The following ZNG1E variants were observed in gnomAD, a reference collection of about 807,000 sequenced individuals.
ZNG1E encodes the protein zinc-regulated GTPase metalloprotein activator 1E.
At chr9:65,661,872 G>T in the ZNG1E span, among the ~76,000 whole-genome samples, 4 of 152,264 alleles carry the variant, frequency 2.6e-5, no homozygotes, top group African/African-American at 9.6e-5. Flanking sequence ...AACTCATTGA[G>T]TTGTACACTT....
the ZNG1E span, among the ~76,000 whole-genome samples, chr9:65,687,438 TG>T: frequency 6.6e-6 from 1 of 152,134 alleles, no homozygotes; most frequent in Non-Finnish European, 1.5e-5. Flanking sequence ...ATTTGTCTTT[TG>T]TTTTTATATT....
At chr9:65,663,042 C>G in the ZNG1E span, among the ~76,000 whole-genome samples, 2 of 152,252 alleles carry the variant, frequency 1.3e-5, no homozygotes, top group African/African-American at 2.4e-5. Context: ...AGAAGTACAA[C>G]GAACAAAGGA....
chr9:65,676,883 T>C, the ZNG1E span, among the ~76,000 whole-genome samples: 1 of 146,974 alleles, frequency 6.8e-6, no homozygotes, highest in Non-Finnish European at 1.5e-5. Context: ...AGAACAAATA[T>C]ATGACTGTAT....
At chr9:65,705,124 C>T in the ZNG1E span, among the ~76,000 whole-genome samples, 3 of 150,354 alleles carry the variant, frequency 2.0e-5, no homozygotes, top group African/African-American at 4.9e-5. Context: ...TGTGTAGCAT[C>T]GTCTTAGTGG....
the ZNG1E span, among the ~76,000 whole-genome samples, chr9:65,660,835 A>C: frequency 2.7e-4 from 13 of 47,872 alleles, no homozygotes; most frequent in Non-Finnish European, 3.8e-4. Flanking sequence ...ACAGATATAT[A>C]TATATATATA....
chr9:65,693,830 T>G, the ZNG1E span, among the ~76,000 whole-genome samples: 1 of 152,014 alleles, frequency 6.6e-6, no homozygotes, highest in East Asian at 1.9e-4. Context: ...GTGCTGGGAT[T>G]ACAGGCATGA....
At chr9:65,710,024 T>C in the ZNG1E span, among the ~76,000 whole-genome samples, 1 of 147,286 alleles carries the variant, frequency 6.8e-6, no homozygotes, top group Non-Finnish European at 1.5e-5. Context: ...TGTTGTTTCC[T>C]GACTTTTTAA....
the ZNG1E span, among the ~76,000 whole-genome samples, chr9:65,687,954 T>C: frequency 2.0e-5 from 3 of 151,134 alleles, no homozygotes; most frequent in Non-Finnish European, 2.9e-5. Context: ...TTTATTACCA[T>C]GAATACTTTT....
chr9:65,698,116 C>CT, the ZNG1E span, among the ~76,000 whole-genome samples: 1 of 96,618 alleles, frequency 1.0e-5, no homozygotes, highest in African/African-American at 4.5e-5. Flanking sequence ...AGTGGTTATC[C>CT]TTTTTTTAAA....
the ZNG1E span, among the ~76,000 whole-genome samples, chr9:65,674,040 G>A: frequency 3.3e-5 from 5 of 152,080 alleles, no homozygotes; most frequent in Admixed American, 6.6e-5. Context: ...TTCCTGAAAC[G>A]AAAAAGCTTA....
chr9:65,685,264 C>T, the ZNG1E span, among the ~76,000 whole-genome samples: 1 of 152,260 alleles, frequency 6.6e-6, no homozygotes, highest in Non-Finnish European at 1.5e-5. Context: ...GTAGTAGTTA[C>T]TGAAGGTTGG....
the ZNG1E span, among the ~76,000 whole-genome samples, chr9:65,659,901 C>T: frequency 2.0e-5 from 3 of 151,356 alleles, no homozygotes; most frequent in Admixed American, 6.6e-5. Context: ...CCTAATGTAG[C>T]CTGATTACTG....
the ZNG1E span, among the ~76,000 whole-genome samples, chr9:65,667,996 C>CAAA: frequency 1.5e-5 from 2 of 131,440 alleles, no homozygotes; most frequent in Non-Finnish European, 3.4e-5. Context: ...AACTTCGTCT[C>CAAA]AAAAAAAAAA....
chr9:65,717,604 G>C, the ZNG1E span, among the ~76,000 whole-genome samples: 2 of 149,504 alleles, frequency 1.3e-5, no homozygotes, highest in African/African-American at 5.1e-5. Context: ...GGGCAGTTTT[G>C]ATAGTTACAG....
chr9:65,716,137 CTA>C, the ZNG1E span, among the ~76,000 whole-genome samples: 1 of 59,762 alleles, frequency 1.7e-5, no homozygotes, highest in East Asian at 3.4e-4. Context: ...ATTCCCATTC[CTA>C]TATATATTTC....
the ZNG1E span, among the ~76,000 whole-genome samples, chr9:65,717,939 A>G: frequency 1.4e-5 from 2 of 146,226 alleles, no homozygotes; most frequent in East Asian, 3.9e-4. Context: ...TGCCCACCTC[A>G]GCCTCCCAAA....
At chr9:65,677,034 T>TG in the ZNG1E span, 67,485 of 351,254 alleles carry the variant, frequency 0.19, 26,840 homozygotes, top group South Asian at 0.66. Flanking sequence ...TAACTGCTTT[T>TG]TTTTTTAAAA....
At chr9:65,716,355 G>C in the ZNG1E span, among the ~76,000 whole-genome samples, 1 of 150,882 alleles carries the variant, frequency 6.6e-6, no homozygotes, top group African/African-American at 2.5e-5. Context: ...ATGGGGTCTT[G>C]CTATGTTGCC....
the ZNG1E span, among the ~76,000 whole-genome samples, chr9:65,662,467 A>T: frequency 6.6e-6 from 1 of 152,206 alleles, no homozygotes; most frequent in Non-Finnish European, 1.5e-5. Context: ...CATGGTAGTG[A>T]TAGTAAGATA....
Sources: gnomAD v4.1 joint callset for allele counts (sites outside exome capture counted in the v4.1 genomes callset) on GRCh38, gnomAD v4.1.1 for gene constraint, MANE v1.5 for transcripts, NCBI Gene and HGNC (gene_info 2026-07-23, HGNC 2026-07-21) for gene names.